Variants in GCSAML observed in about 807,000 individuals in gnomAD.
The protein encoded by GCSAML is germinal center associated signaling and motility like, also known as germinal center-associated signaling and motility-like protein.
Under a neutral mutation model 13.0 loss-of-function variants are expected in GCSAML, and 9 were observed. That is an observed-to-expected ratio of 0.69 (90% CI 0.42 to 1.21). The LOEUF (loss-of-function observed/expected upper bound fraction) is 1.21. Among genes scored for constraint, GCSAML ranks in the 50% most tolerant of loss-of-function variants. GCSAML has a pLI of 0.00. For synonymous variants in GCSAML, 37 were observed against 52.9 expected (o/e 0.70, Z 1.31); for missense variants, 143 against 153.4 (o/e 0.93, Z 0.36).
rs549850676 is a variant in GCSAML, at chr1:247,566,087, A to G, written c.168+128A>G. On this transcript the variant is annotated intron_variant, in intron 4 of 4. Coordinates refer to ENST00000366488, the MANE Select transcript of GCSAML (RefSeq NM_145278.5). ...GTCTTCCTTTATTTGTAATTTCTAA[A>G]TGTACTTTTAGAAATCATTCATATT... is the stretch of plus-strand genomic sequence containing the variant. 106 of 602,102 alleles carry G rather than the reference A, an allele frequency of 1.8e-4. No homozygotes were observed. The African/African-American group carries it at 1.8e-3, about 10-fold the overall frequency. 37.3% of individuals were successfully genotyped at this position (602,102 alleles called of 1,614,324 possible). A position where few individuals can be genotyped will look rare whatever the true frequency, so the allele number is the denominator to read the frequency against.
intron 3 of GCSAML, among the ~76,000 whole-genome samples, chr1:247,565,356 TAA>T (rs202147937): frequency 3.7e-5 from 5 of 135,548 alleles, no homozygotes; most frequent in Admixed American, 7.5e-5. Context: ...AGAATCTGTC[TAA>T]AAAAAAAAAA....
At chr1:247,521,932 G>T (rs1377498658) in intron 1 of GCSAML, among the ~76,000 whole-genome samples, 2 of 152,054 alleles carry the variant, frequency 1.3e-5, no homozygotes, top group Non-Finnish European at 2.9e-5. Context: ...TCTAGGAAGT[G>T]AGGAGCGTCT....
chr1:247,512,058 GC>G (rs1666058285), intron 1 of GCSAML, among the ~76,000 whole-genome samples: 1 of 152,110 alleles, frequency 6.6e-6, no homozygotes, highest in South Asian at 2.1e-4. Flanking sequence ...GGCCTGCCTT[GC>G]TAGGTTGGGG....
chr1:247,569,586 T>C (rs1668521735), intron 4 of GCSAML, among the ~76,000 whole-genome samples: 1 of 152,226 alleles, frequency 6.6e-6, no homozygotes, highest in Admixed American at 6.5e-5. Context: ...TGCTTTTTAA[T>C]GTGCTGCTGG....
intron 1 of GCSAML, among the ~76,000 whole-genome samples, chr1:247,552,108 G>T (rs1667796725): frequency 1.3e-5 from 2 of 152,326 alleles, no homozygotes; most frequent in South Asian, 2.1e-4. Context: ...GGGGAAGAGG[G>T]ATTCTAATTT....
intron 2 of GCSAML, among the ~76,000 whole-genome samples, chr1:247,542,410 A>G (rs1043422389): frequency 1.3e-5 from 2 of 152,236 alleles, no homozygotes; most frequent in African/African-American, 4.8e-5. Context: ...GCATATGGAA[A>G]AGGTGGAAGG....
intron 1 of GCSAML, among the ~76,000 whole-genome samples, chr1:247,507,776 T>C (rs751636035): frequency 2.0e-5 from 3 of 152,176 alleles, no homozygotes; most frequent in Non-Finnish European, 2.9e-5. Context: ...TTTGGTTTTC[T>C]GTTCTTGTGT....
chr1:247,574,671 T>C lies in GCSAML; in HGVS notation c.*289T>C, dbSNP rs78816624. Reference sequence around the variant, plus strand: ...ACTTTCTTAGGACAATAATGTAAAATGAAAATAAATTTCTAATCCCCCTGA... The same window carrying C: ...ACTTTCTTAGGACAATAATGTAAAACGAAAATAAATTTCTAATCCCCCTGA... On this transcript the variant is annotated 3_prime_UTR_variant, in exon 5 of 5. Transcript: ENST00000366488. 4.7e-3 allele frequency: 1,615 copies of C among 342,204 alleles called. 24 individuals are homozygous for C. Among genetic ancestry groups the C allele is most frequent in the African/African-American group, 0.032 (1,517 of 47,750 alleles). 21.2% of individuals were successfully genotyped at this position (342,204 alleles called of 1,614,324 possible).
At chr1:247,549,914 C>G (rs1667708466) in intron 1 of GCSAML, among the ~76,000 whole-genome samples, 2 of 152,242 alleles carry the variant, frequency 1.3e-5, no homozygotes, top group African/African-American at 4.8e-5. Flanking sequence ...CCTCTGTCCG[C>G]TCTCCCAGTC....
At chr1:247,532,573 A>G in intron 2 of GCSAML, 2 of 1,482,358 alleles carry the variant, frequency 1.3e-6, no homozygotes, top group Non-Finnish European at 1.8e-6. Flanking sequence ...ACAGGGCATG[A>G]GACATGAAGC....
intron 2 of GCSAML, chr1:247,536,169 A>G (rs1667210010): frequency 6.6e-6 from 1 of 152,244 alleles, no homozygotes; most frequent in Non-Finnish European, 1.5e-5. Context: ...GTCACTTACT[A>G]ATGGTGAGCT....
At chr1:247,518,451 C>T (rs531924799) in intron 1 of GCSAML, 6 of 152,538 alleles carry the variant, frequency 3.9e-5, no homozygotes, top group East Asian at 1.9e-4. Flanking sequence ...GGCTGCCGCC[C>T]TTTCCACGGT....
intron 1 of GCSAML, among the ~76,000 whole-genome samples, chr1:247,518,949 A>T (rs576413240): frequency 1.3e-5 from 2 of 152,112 alleles, no homozygotes; most frequent in East Asian, 3.9e-4. Flanking sequence ...TAATCACACC[A>T]CTGCACTCCA....
At chr1:247,562,210 G>A (rs1464226884) in intron 2 of GCSAML, among the ~76,000 whole-genome samples, 1 of 152,172 alleles carries the variant, frequency 6.6e-6, no homozygotes, top group African/African-American at 2.4e-5. Context: ...GCAAAGCTTT[G>A]TCTGAGAATA....
In GCSAML at chr1:247,526,700, T is replaced by C. The variant is rs1158342961; in HGVS notation, c.-262-240T>C. 1.1e-5 allele frequency: 4 copies of C among 351,778 alleles called. No homozygotes were observed. The highest frequency in any genetic ancestry group is 1.5e-4 in the East Asian group (2 of 13,122). The allele number at this position is 351,778 out of a possible 1,614,324, so 21.8% of individuals were successfully genotyped here. A position where few individuals can be genotyped will look rare whatever the true frequency, so the allele number is the denominator to read the frequency against. On this transcript the variant is annotated intron_variant, in intron 1 of 5. Transcript: ENST00000366489. This position sits in a 1 kb window ranked among gnomAD's most constrained non-coding sequence, Gnocchi z 4.8. ...GAGGGTTCACAGAGCAGGTTTGGGA[T>C]GATCCAGGTTTTCTGTCCTGTGAGA...
intron 1 of GCSAML, among the ~76,000 whole-genome samples, chr1:247,523,704 A>G (rs914779513): frequency 4.6e-5 from 7 of 152,250 alleles, no homozygotes; most frequent in Non-Finnish European, 1.0e-4. Flanking sequence ...AGAGCAGAAC[A>G]TAGTGACAAC....
Position 247,574,350 on chromosome 1 carries a change from G to T in GCSAML, c.376G>T (p.Glu126Ter). ...TAGTAGGCCTTGTTCCTGCACCCAT[G>T]AGCATGATTATGAAGTTGTGTTTCC... ...SVSRPCSCTH[E>*]HDYEVVFPH Residue 126 changes from glutamate (E) to a stop codon, truncating the protein, a stop_gained, in exon 5 of 5, where the codon GAG (glutamate) becomes TAG (stop). Coordinates refer to ENST00000366488, the MANE Select transcript of GCSAML (RefSeq NM_145278.5). LOFTEE classifies it high-confidence loss of function. 6.2e-7 allele frequency: 1 copy of T among 1,614,086 alleles called. No individual in the cohort carries two copies. The highest frequency in any genetic ancestry group is 1.1e-5 in the South Asian group (1 of 91,064).
intron 1 of GCSAML, among the ~76,000 whole-genome samples, chr1:247,517,476 A>G (rs1055854477): frequency 2.0e-5 from 3 of 152,220 alleles, no homozygotes; most frequent in African/African-American, 7.2e-5. Flanking sequence ...TTGTTCCACA[A>G]ATTTTAGGAG....
intron 4 of GCSAML, among the ~76,000 whole-genome samples, chr1:247,566,517 ACAGGCAT>A (rs2103064681): frequency 6.6e-6 from 1 of 152,346 alleles, no homozygotes; most frequent in East Asian, 1.9e-4. Flanking sequence ...TGCAGGGGTA[ACAGGCAT>A]TAGTCACTGT....
Sources: allele counts gnomAD v4.1 joint callset (sites outside exome capture counted in the v4.1 genomes callset), GRCh38; gene constraint gnomAD v4.1.1; non-coding constraint Gnocchi (gnomAD v3.1); transcripts MANE v1.5; gene names NCBI Gene and HGNC (gene_info 2026-07-23, HGNC 2026-07-21).